EXOC6B: variants seen among roughly 807,000 people sequenced by gnomAD.
EXOC6B encodes the protein SEC15 homolog B.
In EXOC6B, 54 loss-of-function variants were observed where a neutral mutation model predicts 113.5. That is an observed-to-expected ratio of 0.48 (90% CI 0.38 to 0.60). The LOEUF (loss-of-function observed/expected upper bound fraction) is 0.60, where lower values mean the gene tolerates loss of function less well. Ranked by LOEUF, EXOC6B falls within the 20% of genes least tolerant of loss-of-function variation. EXOC6B has a pLI of 0.00. For missense variants in EXOC6B, 797 were observed against 977.5 expected (o/e 0.82, Z 2.46); for synonymous variants, 357 against 339.0 (o/e 1.05, Z -0.58).
intron 11 of EXOC6B, among the ~76,000 whole-genome samples, chr2:72,512,646 G>T (rs919428104): frequency 2.6e-4 from 39 of 151,930 alleles, no homozygotes; most frequent in Admixed American, 2.5e-3. Context: ...ATATTAACAG[G>T]CACTATAGAA....
chr2:72,238,812 T>C (rs1330069479), intron 20 of EXOC6B, among the ~76,000 whole-genome samples: 2 of 152,226 alleles, frequency 1.3e-5, no homozygotes, highest in Non-Finnish European at 2.9e-5. Context: ...TTATCAGATA[T>C]ATGATTTGCC....
At chr2:72,641,948 T>C (rs1673280379) in intron 6 of EXOC6B, among the ~76,000 whole-genome samples, 2 of 152,168 alleles carry the variant, frequency 1.3e-5, no homozygotes, top group South Asian at 4.1e-4. Context: ...GCAAAAAGGG[T>C]CCGGAGTGGA....
At chr2:72,594,755 C>T (rs1222232142) in intron 6 of EXOC6B, among the ~76,000 whole-genome samples, 1 of 152,120 alleles carries the variant, frequency 6.6e-6, no homozygotes, top group East Asian at 1.9e-4. Flanking sequence ...CAAAACCTGG[C>T]ATTTAGAAAC....
intron 20 of EXOC6B, among the ~76,000 whole-genome samples, chr2:72,204,346 G>T (rs867597343): frequency 4.6e-5 from 7 of 152,104 alleles, no homozygotes; most frequent in African/African-American, 1.7e-4. Context: ...CCGGGGTCTG[G>T]CTCCACAAGG....
chr2:72,732,673 GAA>G (rs1680715197), intron 3 of EXOC6B, among the ~76,000 whole-genome samples: 2 of 152,080 alleles, frequency 1.3e-5, no homozygotes, highest in Non-Finnish European at 2.9e-5. Flanking sequence ...GCACAATGAA[GAA>G]AAAGTGGGAA....
intron 18 of EXOC6B, among the ~76,000 whole-genome samples, chr2:72,432,237 T>C (rs1048030111): frequency 9.2e-5 from 14 of 152,186 alleles, no homozygotes; most frequent in African/African-American, 3.1e-4. Context: ...AGTTTCACCA[T>C]GTTGGTCAAG....
At chr2:72,260,089 G>A (rs529294861) in intron 20 of EXOC6B, among the ~76,000 whole-genome samples, 5 of 152,010 alleles carry the variant, frequency 3.3e-5, no homozygotes, top group Admixed American at 1.3e-4. Context: ...GAGAGAGAGA[G>A]AAAAAGGAAG....
At chr2:72,187,768 G>C (rs1276914914) in intron 20 of EXOC6B, among the ~76,000 whole-genome samples, 3 of 152,170 alleles carry the variant, frequency 2.0e-5, no homozygotes, top group Non-Finnish European at 4.4e-5. Flanking sequence ...GGGACTGGCA[G>C]CCTGGTCACA....
intron 6 of EXOC6B, among the ~76,000 whole-genome samples, chr2:72,659,105 G>A (rs1023984061): frequency 6.6e-6 from 1 of 151,902 alleles, no homozygotes; most frequent in Non-Finnish European, 1.5e-5. Flanking sequence ...TTTGGAAGTA[G>A]GTAGAAACAT....
At chr2:72,293,408 A>G (rs371980542) in intron 20 of EXOC6B, among the ~76,000 whole-genome samples, 1 of 152,176 alleles carries the variant, frequency 6.6e-6, no homozygotes, top group Non-Finnish European at 1.5e-5. Flanking sequence ...CAGCTTTTCC[A>G]TTTATCCTAC....
chr2:72,431,333 TGGGGTCTCAGTCTATTGTCCTCCA>T (rs1695505331), intron 18 of EXOC6B, among the ~76,000 whole-genome samples: 1 of 152,258 alleles, frequency 6.6e-6, no homozygotes, highest in East Asian at 1.9e-4. Flanking sequence ...TTTTTAGAGA[TGGGGTCTCAGTCTATTGTCCTCCA>T]GGTGGATGCA....
chr2:72,433,983 G>C (rs1487459492), intron 18 of EXOC6B, among the ~76,000 whole-genome samples: 1 of 152,112 alleles, frequency 6.6e-6, no homozygotes, highest in Non-Finnish European at 1.5e-5. Context: ...TCTTGTGCCG[G>C]TTTTCAAAGG....
chr2:72,691,912 G>A (rs1314464886), intron 6 of EXOC6B, among the ~76,000 whole-genome samples: 2 of 151,606 alleles, frequency 1.3e-5, no homozygotes, highest in African/African-American at 4.9e-5. Flanking sequence ...TTGAAATCCT[G>A]ACCTCAGGTG....
chr2:72,663,802 T>C (rs1380136361), intron 6 of EXOC6B, among the ~76,000 whole-genome samples: 1 of 152,128 alleles, frequency 6.6e-6, no homozygotes, highest in Non-Finnish European at 1.5e-5. Flanking sequence ...TCTTAAGAAC[T>C]ATAGAATATA....
chr2:72,487,925 A>G (rs1028840314), intron 16 of EXOC6B, among the ~76,000 whole-genome samples: 2 of 152,122 alleles, frequency 1.3e-5, no homozygotes, highest in African/African-American at 4.8e-5. Context: ...ATTCTACCCT[A>G]TACTTTTTGG....
intron 20 of EXOC6B, among the ~76,000 whole-genome samples, chr2:72,318,139 T>C (rs931041419): frequency 2.6e-5 from 4 of 152,214 alleles, no homozygotes; most frequent in African/African-American, 9.6e-5. Flanking sequence ...ATTCTCCAGA[T>C]GACCATAGTT....
chr2:72,374,151 A>T (rs1691210419), intron 19 of EXOC6B, among the ~76,000 whole-genome samples: 1 of 152,190 alleles, frequency 6.6e-6, no homozygotes, highest in South Asian at 2.1e-4. Flanking sequence ...ATATCATAAG[A>T]TCCAGATCCA....
chr2:72,390,881 T>A (rs568746994), intron 18 of EXOC6B, among the ~76,000 whole-genome samples: 1 of 152,220 alleles, frequency 6.6e-6, no homozygotes, highest in African/African-American at 2.4e-5. Context: ...TCTGACCTCA[T>A]GGACTTTTCG....
chr2:72,224,798 CTG>C lies in EXOC6B; in HGVS notation c.2197-40613_2197-40612del, dbSNP rs34910404. On this transcript the variant is annotated intron_variant, in intron 20 of 21. Transcript: ENST00000272427. ...ATGCATGCTGCCACGTCCAGCTAAT[CTG>C]TGTGTGTGTGTGTGTGTGTGCGTGT... 8.8e-4 allele frequency among the ~76,000 whole-genome samples: 127 copies of C among 144,168 alleles called. 1 individual carries two copies. The highest frequency in any genetic ancestry group is 7.7e-3 in the East Asian group (38 of 4,920). The allele number at this position is 144,168 out of a possible 152,430, so 94.6% of individuals were successfully genotyped here.
Sources: gnomAD v4.1 joint callset for allele counts (sites outside exome capture counted in the v4.1 genomes callset) on GRCh38, gnomAD v4.1.1 for gene constraint, MANE v1.5 for transcripts, NCBI Gene and HGNC (gene_info 2026-07-23, HGNC 2026-07-21) for gene names.